Variants in THRB observed in about 807,000 individuals in gnomAD.
The protein encoded by THRB is thyroid hormone receptor beta.
In THRB, 12 loss-of-function variants were observed where a neutral mutation model predicts 47.8. The ratio of observed to expected loss-of-function variants is 0.25; its 90% CI spans 0.16 to 0.41. The LOEUF is 0.41. Among genes scored for constraint, THRB ranks in the 10% least tolerant of loss-of-function variants. The pLI is 1.00. For missense variants in THRB, 348 were observed against 589.2 expected (o/e 0.59, Z 4.24); for synonymous variants, 218 against 212.2 (o/e 1.03, Z -0.24).
At chr3:24,180,399 T>C (rs2041743452) in intron 5 of THRB, among the ~76,000 whole-genome samples, 1 of 152,206 alleles carries the variant, frequency 6.6e-6, no homozygotes, top group South Asian at 2.1e-4. Flanking sequence ...ATATAGACAA[T>C]TGAGTTAAAC....
At chr3:24,257,437 T>G (rs1251054252) in intron 3 of THRB, among the ~76,000 whole-genome samples, 3 of 152,156 alleles carry the variant, frequency 2.0e-5, no homozygotes, top group Non-Finnish European at 4.4e-5. Context: ...TAGATCTTTT[T>G]AAGATCTATA....
intron 4 of THRB, among the ~76,000 whole-genome samples, chr3:24,219,478 T>A (rs912394113): frequency 2.0e-5 from 3 of 152,086 alleles, no homozygotes; most frequent in African/African-American, 7.2e-5. Flanking sequence ...GATGAGCCAT[T>A]TGGGTAAGTG....
At chr3:24,137,637 T>A (rs1289539454) in intron 8 of THRB, among the ~76,000 whole-genome samples, 4 of 152,002 alleles carry the variant, frequency 2.6e-5, no homozygotes, top group African/African-American at 7.3e-5. Flanking sequence ...AGTGATGGCA[T>A]GAAATGAGGA....
At chr3:24,376,157 A>G (rs1013414118) in intron 1 of THRB, among the ~76,000 whole-genome samples, 2 of 152,212 alleles carry the variant, frequency 1.3e-5, no homozygotes, top group African/African-American at 4.8e-5. Flanking sequence ...AAGTGTGTCT[A>G]TAATGGAGAA....
At chr3:24,453,460 T>C (rs976595514) in intron 1 of THRB, among the ~76,000 whole-genome samples, 1 of 152,158 alleles carries the variant, frequency 6.6e-6, no homozygotes, top group Non-Finnish European at 1.5e-5. Context: ...CCCCAATCCA[T>C]TCACCTTACT....
In THRB at chr3:24,122,201, A is replaced by C. The variant is rs1166522506; in HGVS notation, c.*683T>G. Reference sequence around the variant, plus strand: ...ATTTCTCTGGGCTCACTGAAAAAAAATATTTTCCTTGTTGGCCTCCATCAG... The same window carrying C: ...ATTTCTCTGGGCTCACTGAAAAAAACTATTTTCCTTGTTGGCCTCCATCAG... On this transcript the variant is annotated 3_prime_UTR_variant, in exon 11 of 11. Coordinates refer to ENST00000646209, the MANE Select transcript of THRB (RefSeq NM_001354712.2). 6.5e-6 allele frequency: 1 copy of C among 153,058 alleles called. No homozygotes were observed. The highest frequency in any genetic ancestry group is 1.9e-4 in the East Asian group (1 of 5,208). The allele number at this position is 153,058 out of a possible 1,614,324, so 9.5% of individuals were successfully genotyped here. A position where few individuals can be genotyped will look rare whatever the true frequency, so the allele number is the denominator to read the frequency against.
intron 1 of THRB, among the ~76,000 whole-genome samples, chr3:24,386,171 G>A (rs780625856): frequency 6.6e-6 from 1 of 152,068 alleles, no homozygotes; most frequent in South Asian, 2.1e-4. Flanking sequence ...GTCTGAATCT[G>A]AGCTCCTGCT....
At chr3:24,168,399 C>T (rs1286450208) in intron 5 of THRB, among the ~76,000 whole-genome samples, 2 of 151,686 alleles carry the variant, frequency 1.3e-5, no homozygotes, top group East Asian at 3.9e-4. Context: ...TAAAGAGCAG[C>T]TTAAGAGTTA....
chr3:24,256,066 G>C (rs888514296), intron 3 of THRB, among the ~76,000 whole-genome samples: 10 of 152,196 alleles, frequency 6.6e-5, no homozygotes, highest in African/African-American at 2.4e-4. Flanking sequence ...GCGAGCTAGT[G>C]AGAGAGTCTG....
chr3:24,382,577 G>C (rs1027630095), intron 1 of THRB, among the ~76,000 whole-genome samples: 1 of 151,982 alleles, frequency 6.6e-6, no homozygotes, highest in African/African-American at 2.4e-5. Flanking sequence ...TTATTGAAAG[G>C]GGGAGGGAAT....
intron 2 of THRB, among the ~76,000 whole-genome samples, chr3:24,320,046 C>A (rs1676332777): frequency 6.6e-6 from 1 of 152,132 alleles, no homozygotes; most frequent in African/African-American, 2.4e-5. Context: ...CAACAGAGGC[C>A]CTTCTCAGTC....
intron 4 of THRB, among the ~76,000 whole-genome samples, chr3:24,218,118 A>G (rs369766559): frequency 6.2e-4 from 95 of 152,024 alleles, no homozygotes; most frequent in African/African-American, 1.8e-3. Context: ...ATACAAAAAA[A>G]CTAGCTGGGC....
intron 4 of THRB, among the ~76,000 whole-genome samples, chr3:24,201,819 A>G (rs73037676): frequency 0.088 from 13,224 of 150,992 alleles, 704 homozygotes; most frequent in Non-Finnish European, 0.12. Flanking sequence ...TTCAGATTAT[A>G]CTTCCATTTT....
chr3:24,234,211 C>A (rs75340208), intron 3 of THRB, among the ~76,000 whole-genome samples: 2 of 151,980 alleles, frequency 1.3e-5, no homozygotes, highest in African/African-American at 4.8e-5. Flanking sequence ...ATCACTTGCC[C>A]CTCCCCTTGA....
chr3:24,427,212 T>C (rs2150348787), intron 1 of THRB, among the ~76,000 whole-genome samples: 1 of 152,094 alleles, frequency 6.6e-6, no homozygotes, highest in Admixed American at 6.6e-5. Flanking sequence ...GGAAAATGAA[T>C]ACCCAGTGTT....
intron 1 of THRB, among the ~76,000 whole-genome samples, chr3:24,454,626 C>A (rs1443612365): frequency 6.6e-6 from 1 of 152,138 alleles, no homozygotes; most frequent in Non-Finnish European, 1.5e-5. Flanking sequence ...AGAGTATCTA[C>A]AACTTGCTTT....
At chr3:24,421,945 C>T (rs1054861131) in intron 1 of THRB, among the ~76,000 whole-genome samples, 6 of 152,004 alleles carry the variant, frequency 3.9e-5, no homozygotes, top group African/African-American at 9.6e-5. Context: ...TGCTCCAAGG[C>T]GCATGCTAAT....
intron 6 of THRB, 134 bp downstream of exon 6, chr3:24,152,256 C>G (rs78608581): frequency 0.013 from 8,171 of 613,654 alleles, 464 homozygotes; most frequent in African/African-American, 0.12. Context: ...AACCAGACAC[C>G]TGGATGATCA....
intron 4 of THRB, among the ~76,000 whole-genome samples, chr3:24,197,030 A>T (rs1415892591): frequency 6.6e-6 from 1 of 152,206 alleles, no homozygotes; most frequent in African/African-American, 2.4e-5. Flanking sequence ...ATTTACATAC[A>T]TGTATATAAT....
Sources: allele counts gnomAD v4.1 joint callset (sites outside exome capture counted in the v4.1 genomes callset), GRCh38; gene constraint gnomAD v4.1.1; transcripts MANE v1.5; gene names NCBI Gene and HGNC (gene_info 2026-07-23, HGNC 2026-07-21).